ERC2: variants seen among roughly 807,000 people sequenced by gnomAD.
The protein encoded by ERC2 is ELKS/RAB6-interacting/CAST family member 2, also known as ERC protein 2.
In ERC2, 42 loss-of-function variants were observed where a neutral mutation model predicts 114.8. The ratio of observed to expected loss-of-function variants is 0.37; its 90% CI spans 0.29 to 0.47. The LOEUF is 0.47. Ranked by LOEUF, ERC2 falls within the 20% of genes least tolerant of loss-of-function variation. The pLI is 0.99. For synonymous variants in ERC2, 454 were observed against 425.5 expected, an observed-to-expected ratio of 1.07 and a Z score of -0.82; for missense variants, 939 against 1,150.7, an observed-to-expected ratio of 0.82 and a Z score of 2.66.
chr3:56,410,146 A>T (rs1280076852), intron 2 of ERC2, among the ~76,000 whole-genome samples: 1 of 152,240 alleles, frequency 6.6e-6, no homozygotes, highest in South Asian at 2.1e-4. Flanking sequence ...GTAATTAAAA[A>T]GCGATGGCTT....
intron 13 of ERC2, among the ~76,000 whole-genome samples, chr3:55,908,073 C>A (rs571923126): frequency 1.3e-5 from 2 of 151,956 alleles, no homozygotes; most frequent in African/African-American, 4.8e-5. Flanking sequence ...GCTGGTAGGG[C>A]GAAGCAGTTA....
intron 17 of ERC2, among the ~76,000 whole-genome samples, chr3:55,637,351 C>G (rs1195316660): frequency 6.6e-6 from 1 of 152,176 alleles, no homozygotes; most frequent in African/African-American, 2.4e-5. Flanking sequence ...CAGAGCTGCT[C>G]AAAGGATGGG....
chr3:56,467,917 G>T (rs915215676), intron 1 of ERC2, among the ~76,000 whole-genome samples: 4 of 152,116 alleles, frequency 2.6e-5, no homozygotes, highest in African/African-American at 7.2e-5. Context: ...GAAGAAAGGC[G>T]ATGGCAGTGA....
intron 17 of ERC2, among the ~76,000 whole-genome samples, chr3:55,678,169 G>A (rs969197875): frequency 1.6e-4 from 24 of 152,092 alleles, no homozygotes; most frequent in African/African-American, 5.3e-4. Context: ...CCCAGGAATC[G>A]ATTTTGCAAT....
chr3:55,682,538 T>C (rs1339724494), intron 17 of ERC2, among the ~76,000 whole-genome samples: 1 of 151,824 alleles, frequency 6.6e-6, no homozygotes, highest in Non-Finnish European at 1.5e-5. Context: ...AACTAAGAAG[T>C]AAAACACAAC....
chr3:55,706,844 G>A (rs974670284), intron 15 of ERC2, among the ~76,000 whole-genome samples: 1 of 152,156 alleles, frequency 6.6e-6, no homozygotes, highest in South Asian at 2.1e-4. Flanking sequence ...TACTTCTTGA[G>A]AGTTCTCATC....
intron 2 of ERC2, among the ~76,000 whole-genome samples, chr3:56,306,095 C>A (rs149637384): frequency 1.3e-3 from 193 of 152,142 alleles, no homozygotes; most frequent in African/African-American, 4.4e-3. Flanking sequence ...GTGATCCTCC[C>A]GCCTCGGCCT....
At chr3:55,918,806 C>A (rs867148473) in intron 13 of ERC2, among the ~76,000 whole-genome samples, 1 of 150,344 alleles carries the variant, frequency 6.7e-6, no homozygotes, top group African/African-American at 2.5e-5. Flanking sequence ...CTAGACATCA[C>A]CTGACTGCAA....
chr3:55,795,334 T>G (rs1028512217), intron 14 of ERC2, among the ~76,000 whole-genome samples: 6 of 152,152 alleles, frequency 3.9e-5, no homozygotes, highest in African/African-American at 1.4e-4. Flanking sequence ...TTGCCAGACC[T>G]CCTGGATAAG....
intron 15 of ERC2, among the ~76,000 whole-genome samples, chr3:55,728,771 C>A (rs1464701315): frequency 2.0e-5 from 3 of 152,174 alleles, no homozygotes; most frequent in Non-Finnish European, 4.4e-5. Context: ...TACCTGCATG[C>A]CTCTTGACAG....
At chr3:55,937,011 A>G (rs186096969) in intron 13 of ERC2, among the ~76,000 whole-genome samples, 1 of 152,198 alleles carries the variant, frequency 6.6e-6, no homozygotes, top group South Asian at 2.1e-4. Flanking sequence ...ACAGAAGCCA[A>G]TGATCTTAAC....
intron 13 of ERC2, among the ~76,000 whole-genome samples, chr3:55,906,199 G>A (rs1400621570): frequency 2.7e-5 from 4 of 150,396 alleles, no homozygotes; most frequent in Non-Finnish European, 4.4e-5. Context: ...AGGGGGGGCC[G>A]GGCGCGGTGG....
At chr3:55,961,178 C>T (rs1198784494) in intron 12 of ERC2, among the ~76,000 whole-genome samples, 1 of 152,198 alleles carries the variant, frequency 6.6e-6, no homozygotes, top group Non-Finnish European at 1.5e-5. Flanking sequence ...CTAACTCCTA[C>T]TGTGCAAGTC....
intron 14 of ERC2, among the ~76,000 whole-genome samples, chr3:55,843,615 C>T (rs2061229002): frequency 6.6e-6 from 1 of 152,200 alleles, no homozygotes; most frequent in Admixed American, 6.5e-5. Context: ...TTTTCCTTTG[C>T]AGCTTCTTTC....
At chr3:55,661,419 C>T (rs1039798411) in intron 17 of ERC2, among the ~76,000 whole-genome samples, 2 of 152,126 alleles carry the variant, frequency 1.3e-5, no homozygotes, top group African/African-American at 4.8e-5. Context: ...GCTCATAGCC[C>T]CTTTCCTTTT....
intron 17 of ERC2, among the ~76,000 whole-genome samples, chr3:55,671,109 G>C (rs2061540617): frequency 6.6e-6 from 1 of 152,014 alleles, no homozygotes. Context: ...CTATCTGTAT[G>C]GACAGATATT....
Position 55,736,372 on chromosome 3 carries a change from C to T in ERC2, c.2565-1454G>A, listed in dbSNP as rs144425407. Among the ~76,000 whole-genome samples the T allele has an allele frequency of 1.5e-3, 225 of 152,284 alleles. 1 individual carries two copies. Among genetic ancestry groups the T allele is most frequent in the Middle Eastern group, 6.8e-3 (2 of 294 alleles). On this transcript the variant is annotated intron_variant, in intron 14 of 17. Transcript: ENST00000288221. ...GTCCTCAAAAATGTTACCCTTGTCC[C>T]CTCACATCACAGGCTTTGCCTTTCT...
At chr3:55,967,408 G>A (rs959464825) in intron 12 of ERC2, among the ~76,000 whole-genome samples, 1 of 152,196 alleles carries the variant, frequency 6.6e-6, no homozygotes, top group African/African-American at 2.4e-5. Flanking sequence ...TTTTCCTGAT[G>A]ATAGGGTCTC....
At chr3:55,904,363 C>T (rs2064310714) in intron 13 of ERC2, among the ~76,000 whole-genome samples, 1 of 152,022 alleles carries the variant, frequency 6.6e-6, no homozygotes, top group Non-Finnish European at 1.5e-5. Flanking sequence ...ATCAAGATGC[C>T]CCCTGATCGA....
Sources: allele counts gnomAD v4.1 joint callset (sites outside exome capture counted in the v4.1 genomes callset), GRCh38; gene constraint gnomAD v4.1.1; transcripts MANE v1.5; gene names NCBI Gene and HGNC (gene_info 2026-07-23, HGNC 2026-07-21).